POU2F1: variants seen among roughly 807,000 people sequenced by gnomAD.
POU2F1 encodes POU class 2 homeobox 1, also known as POU domain, class 2, transcription factor 1.
Under a neutral mutation model 84.9 loss-of-function variants are expected in POU2F1, and 16 were observed. The observed-to-expected ratio is 0.19, with a 90% confidence interval of 0.13 to 0.29. The LOEUF (loss-of-function observed/expected upper bound fraction) is 0.29. Among genes scored for constraint, POU2F1 ranks in the 10% least tolerant of loss-of-function variants. The pLI is 1.00. For missense variants in POU2F1, 738 were observed against 942.6 expected (o/e 0.78, Z 2.84); for synonymous variants, 368 against 368.3 (o/e 1.00, Z 0.01).
At chr1:167,354,067 T>C (rs1222772819) in intron 2 of POU2F1, among the ~76,000 whole-genome samples, 1 of 152,238 alleles carries the variant, frequency 6.6e-6, no homozygotes, top group Non-Finnish European at 1.5e-5. Flanking sequence ...CTCAACATTA[T>C]GTGTTTGAGA....
chr1:167,291,894 C>T (rs1398686930), intron 1 of POU2F1, among the ~76,000 whole-genome samples: 1 of 152,182 alleles, frequency 6.6e-6, no homozygotes, highest in Non-Finnish European at 1.5e-5. Context: ...TAGGTGCTCT[C>T]TTTTGTCTCT....
chr1:167,275,189 T>C (rs1259326451), intron 1 of POU2F1, among the ~76,000 whole-genome samples: 1 of 151,516 alleles, frequency 6.6e-6, no homozygotes, highest in Non-Finnish European at 1.5e-5. Flanking sequence ...CATGCCTGGA[T>C]TTGGTTTTTG....
rs867457550 is a variant in POU2F1, at chr1:167,268,399, G to T, written c.61+47441G>T. ...GTCTTTCATTTTCCTTTCTGTTTGT[G>T]TGTCTGACTCCCCCTTTCTTTCTCT... is the stretch of plus-strand genomic sequence containing the variant. On this transcript the variant is annotated intron_variant, in intron 1 of 15. Transcript: ENST00000367866. 1.4e-4 allele frequency among the ~76,000 whole-genome samples: 21 copies of T among 152,010 alleles called. 1 individual carries two copies. Among genetic ancestry groups the T allele is most frequent in the Middle Eastern group, 6.8e-3 (2 of 294 alleles).
chr1:167,396,535 C>A, intron 10 of POU2F1, 108 bp downstream of exon 10: 1 of 1,139,334 alleles, frequency 8.8e-7, no homozygotes. Context: ...TGTTACAGAA[C>A]CTTGAAGCTT....
At chr1:167,250,344 A>T (rs1650632425) in intron 1 of POU2F1, among the ~76,000 whole-genome samples, 1 of 152,148 alleles carries the variant, frequency 6.6e-6, no homozygotes, top group South Asian at 2.1e-4. Flanking sequence ...AAAAGAAAAC[A>T]GTGTTTTTGG....
rs1306651387 is a variant in POU2F1 at position 167,417,958 on chromosome 1, T to C, written c.*2148T>C. ...ATTACCACCCCTAAATTTCCTCCTC[T>C]TACCCTTCACCTTCCCTAAAATCCT... On this transcript the variant is annotated 3_prime_UTR_variant, in exon 16 of 16. Coordinates refer to ENST00000367866, the MANE Select transcript of POU2F1 (RefSeq NM_002697.4). 1 of 152,214 alleles carries C rather than the reference T, an allele frequency of 6.6e-6. No homozygotes were observed. The highest frequency in any genetic ancestry group is 1.5e-5 in the Non-Finnish European group (1 of 68,034). The allele number at this position is 152,214 out of a possible 1,614,324, so 9.4% of individuals were successfully genotyped here.
At chr1:167,389,504 C>G in intron 8 of POU2F1, 84 bp from the exon 9 acceptor site, 4 of 1,446,960 alleles carry the variant, frequency 2.8e-6, no homozygotes, top group Non-Finnish European at 3.8e-6. Flanking sequence ...ATAAATGTGG[C>G]TCTTTCCTTC....
At chr1:167,290,257 G>A (rs1653828294) in intron 1 of POU2F1, among the ~76,000 whole-genome samples, 1 of 152,034 alleles carries the variant, frequency 6.6e-6, no homozygotes, top group Non-Finnish European at 1.5e-5. Flanking sequence ...CCAGTGTGGT[G>A]GTGGTGGTGT....
At chr1:167,285,404 A>C (rs1428272590) in intron 1 of POU2F1, among the ~76,000 whole-genome samples, 1 of 152,176 alleles carries the variant, frequency 6.6e-6, no homozygotes, top group Non-Finnish European at 1.5e-5. Flanking sequence ...GGAGATCGAG[A>C]CCATGGTGAA....
chr1:167,229,401 A>G (rs1382761419), intron 1 of POU2F1, among the ~76,000 whole-genome samples: 5 of 152,070 alleles, frequency 3.3e-5, no homozygotes, highest in South Asian at 2.1e-4. Flanking sequence ...TGGGTTGTAG[A>G]TTCCTTGTGA....
intron 2 of POU2F1, among the ~76,000 whole-genome samples, chr1:167,343,592 C>T (rs2101762360): frequency 7.1e-6 from 1 of 141,278 alleles, no homozygotes; most frequent in Middle Eastern, 4.4e-3. Context: ...CATTATATAA[C>T]ATCCTGGCAT....
rs369361042 is a variant in POU2F1 at position 167,221,276 on chromosome 1, C to T, written c.61+318C>T. Among the ~76,000 whole-genome samples the T allele has an allele frequency of 2.6e-5, 4 of 151,396 alleles. No individual in the cohort carries two copies. In the East Asian group the frequency reaches 5.9e-4, roughly 22 times the overall value. ...CCTCCTCCTCTGCCGGCCGCCGCTG[C>T]CGCCTCCTCGCCGCCGTGCCCGAAC... On this transcript the variant is annotated intron_variant, in intron 1 of 15. Coordinates refer to ENST00000367866, the MANE Select transcript of POU2F1 (RefSeq NM_002697.4).
chr1:167,386,223 T>G (rs568947413), intron 8 of POU2F1, among the ~76,000 whole-genome samples: 1 of 152,308 alleles, frequency 6.6e-6, no homozygotes, highest in Non-Finnish European at 1.5e-5. Flanking sequence ...GGCAAGGTCT[T>G]GCTCTGTCAC....
At chr1:167,375,849 A>T (rs555841147) in intron 6 of POU2F1, among the ~76,000 whole-genome samples, 180 bp from the exon 7 acceptor site, 147 of 152,356 alleles carry the variant, frequency 9.6e-4, no homozygotes, top group African/African-American at 3.5e-3. Context: ...CAGAGGCTCC[A>T]GGTTGCTTCA....
chr1:167,267,282 C>T (rs111971550), intron 1 of POU2F1, among the ~76,000 whole-genome samples: 5 of 151,132 alleles, frequency 3.3e-5, no homozygotes, highest in African/African-American at 1.2e-4. Context: ...ACTATATATG[C>T]AAGACATGCA....
intron 1 of POU2F1, among the ~76,000 whole-genome samples, chr1:167,325,143 T>A (rs1032327146): frequency 6.6e-5 from 10 of 152,212 alleles, no homozygotes; most frequent in Non-Finnish European, 1.5e-4. Flanking sequence ...GTATTTTTAT[T>A]ACAGAGAATT....
intron 2 of POU2F1, among the ~76,000 whole-genome samples, chr1:167,332,748 C>G (rs1657161059): frequency 6.6e-6 from 1 of 152,156 alleles, no homozygotes; most frequent in African/African-American, 2.4e-5. Context: ...TTGCTTCTGT[C>G]TATCAGACAA....
intron 9 of POU2F1, among the ~76,000 whole-genome samples, chr1:167,395,636 GCT>G (rs1648754607): frequency 6.6e-6 from 1 of 151,430 alleles, no homozygotes; most frequent in African/African-American, 2.4e-5. Flanking sequence ...ACAGGATCTC[GCT>G]CTGTCACCCA....
chr1:167,255,064 T>G (rs1651030506), intron 1 of POU2F1, among the ~76,000 whole-genome samples: 1 of 152,160 alleles, frequency 6.6e-6, no homozygotes, highest in Non-Finnish European at 1.5e-5. Context: ...GTATATTTGG[T>G]GTGGTGTAAG....
Sources: gnomAD v4.1 joint callset for allele counts (sites outside exome capture counted in the v4.1 genomes callset) on GRCh38, gnomAD v4.1.1 for gene constraint, MANE v1.5 for transcripts, NCBI Gene and HGNC (gene_info 2026-07-23, HGNC 2026-07-21) for gene names.